Variants in KIAA1210 observed in about 807,000 individuals in gnomAD.
The protein encoded by KIAA1210 is KIAA1210, also known as acrosomal protein KIAA1210.
KIAA1210 carries 48 observed loss-of-function variants against 78.9 expected under a neutral mutation model. The ratio of observed to expected loss-of-function variants is 0.61; its 90% CI spans 0.48 to 0.77. KIAA1210 has a LOEUF of 0.77. KIAA1210 is among the 30% of genes least tolerant of loss of function. The pLI is 0.00. For missense variants in KIAA1210, 1,108 were observed against 1,100.0 expected, an observed-to-expected ratio of 1.01 and a Z score of -0.10; for synonymous variants, 406 against 404.5, an observed-to-expected ratio of 1.00 and a Z score of -0.04.
In KIAA1210 at chrX:119,078,644, T is replaced by C. The variant is rs896996364; in HGVS notation, c.*2685A>G. The C allele has an allele frequency of 8.8e-6, 1 of 113,283 alleles. No homozygotes were observed. The highest frequency in any genetic ancestry group is 1.9e-5 in the Non-Finnish European group (1 of 53,464). The allele number at this position is 113,283 out of a possible 1,213,427, so 9.3% of individuals were successfully genotyped here. ...GAGATGGACTACAGAATAGGCTTTA[T>C]TGAATTTATTTGCTTTGCATATATC... On this transcript the variant is annotated 3_prime_UTR_variant, in exon 12 of 12. Transcript: ENST00000691062.
rs1367909244 is a variant in KIAA1210 at position 119,086,603 on chromosome X, G to C, written c.4099C>G (p.Gln1367Glu). The change falls in exon 9 of 12, where the codon CAG (glutamine) becomes GAG (glutamate). Residue 1367 changes from glutamine to glutamate, a missense_variant. Gln to Glu is a conservative substitution (Grantham distance 29). Transcript: ENST00000691062. ...ATGCTTTCAGATTTGGGCCTGCTCT[G>C]TTGCTTATCTGCAACGTAAGATATT... is the stretch of plus-strand genomic sequence containing the variant. ...TKISYVADKQ[Q>E]SRPKSESMAK... The C allele has an allele frequency of 8.3e-7, 1 of 1,211,033 alleles. No individual in the cohort carries two copies. The highest frequency in any genetic ancestry group is 1.8e-5 in the South Asian group (1 of 56,837).
chrX:119,123,519 G>T (rs1335114027), intron 2 of KIAA1210, 63 bp downstream of exon 2: 1 of 826,684 alleles, frequency 1.2e-6, no homozygotes, highest in Admixed American at 2.6e-5. Context: ...TTTGTCCTAG[G>T]AGCTAAATAA....
In KIAA1210 at chrX:119,087,973, G is replaced by A. The variant is rs367729161; in HGVS notation, c.2729C>T (p.Ser910Phe). ...PVAPTPSKYT[S>F]PPWVTPKFEE... The stretch of plus-strand genomic sequence containing the variant: ...AAATTTAGGGGTCACCCATGGCGGG[G>A]AAGTGTATTTGGAAGGTGTTGGTGC... The change falls in exon 9 of 12, where the codon TCC becomes TTC. Residue 910 changes from serine (S) to phenylalanine (F), a missense_variant. Physicochemically the swap from Ser to Phe is radical, Grantham distance 155. Transcript: ENST00000691062. The A allele has an allele frequency of 2.5e-6, 3 of 1,208,798 alleles. No individual in the cohort carries two copies. In the African/African-American group the frequency reaches 5.3e-5, roughly 21 times the overall value.
intron 1 of KIAA1210, among the ~76,000 whole-genome samples, chrX:119,125,994 C>T (rs1308717180): frequency 9.6e-6 from 1 of 104,180 alleles, no homozygotes; most frequent in Non-Finnish European, 2.0e-5. Flanking sequence ...GAAAGGCAAG[C>T]AGAGACTTTG....
intron 2 of KIAA1210, among the ~76,000 whole-genome samples, chrX:119,121,752 AT>A (rs1178663110): frequency 9.1e-6 from 1 of 110,370 alleles, no homozygotes; most frequent in Non-Finnish European, 1.9e-5. Flanking sequence ...AAAGAAATTT[AT>A]TTTTTTAGTT....
Position 119,111,960 on chromosome X carries a change from A to G in KIAA1210, c.231-2758T>C, listed in dbSNP as rs146952307. On this transcript the variant is annotated intron_variant, in intron 3 of 11. Coordinates refer to ENST00000691062, the MANE Select transcript of KIAA1210 (RefSeq NM_001394962.1). ...GGCTCTGTGTCCCCACCCAAATTTCATGTCAAATTGTAATCCCCACATGTC... is the reference window on the plus strand; with the variant it reads ...GGCTCTGTGTCCCCACCCAAATTTCGTGTCAAATTGTAATCCCCACATGTC... Among the ~76,000 whole-genome samples, 343 of 111,447 alleles carry G rather than the reference A, an allele frequency of 3.1e-3. 4 individuals are homozygous for G. The highest frequency in any genetic ancestry group is 0.011 in the African/African-American group (326 of 30,638).
intron 6 of KIAA1210, among the ~76,000 whole-genome samples, chrX:119,099,247 A>G (rs901129144): frequency 8.9e-6 from 1 of 112,845 alleles, no homozygotes; most frequent in African/African-American, 3.2e-5. Context: ...TACTTTAGTG[A>G]AACTCATTCT....
At position 119,108,249 on chromosome X, in the gene KIAA1210, C is replaced by A. The variant is rs773219403; in HGVS notation, c.492+88G>T. On this transcript the variant is annotated intron_variant, in intron 5 of 11. Coordinates refer to ENST00000691062, the MANE Select transcript of KIAA1210 (RefSeq NM_001394962.1). The stretch of plus-strand genomic sequence containing the variant: ...TTAATCAACTAGCCCAGGGGTCACA[C>A]AGCCAGTAAGTAGCAGAGTAGGAAT... The A allele has an allele frequency of 3.9e-3, 3,713 of 940,043 alleles. 7 individuals carry two copies. The highest frequency in any genetic ancestry group is 4.9e-3 in the Non-Finnish European group (3,285 of 675,617). The allele number at this position is 940,043 out of a possible 1,213,427, so 77.5% of individuals were successfully genotyped here. A position where few individuals can be genotyped will look rare whatever the true frequency, so the allele number is the denominator to read the frequency against.
intron 2 of KIAA1210, among the ~76,000 whole-genome samples, chrX:119,140,265 A>T (rs1474475780): frequency 9.0e-6 from 1 of 111,223 alleles, no homozygotes; most frequent in African/African-American, 3.3e-5. Context: ...GTGGTGGCTC[A>T]CACCTGTAAT....
intron 2 of KIAA1210, among the ~76,000 whole-genome samples, chrX:119,117,993 C>A (rs933343109): frequency 9.0e-6 from 1 of 111,580 alleles, no homozygotes; most frequent in Non-Finnish European, 1.9e-5. Context: ...AGGGCTCGTG[C>A]TGCATTCTTC....
In KIAA1210 at chrX:119,089,141, G is replaced by A; in HGVS notation, c.1561C>T (p.Pro521Ser). The change falls in exon 9 of 12, where the codon CCT becomes TCT. Residue 521 changes from proline to serine, a missense_variant. By Grantham distance (74) the Pro-to-Ser change is moderately conservative. Around this residue, in one of 5 missense-constraint regions of KIAA1210, gnomAD observed 672 missense variants for 607.1 expected, o/e 1.11. Transcript: ENST00000691062. ...TGATCTTCTAACTGGATATGAGAAG[G>A]ATTCATAAACACCTGAGCCTCTGCT... ...VAAEAQVFMN[P>S]SHIQLEDQEA... 8.3e-6 allele frequency: 10 copies of A among 1,211,474 alleles called. No individual in the cohort carries two copies. The highest frequency in any genetic ancestry group is 1.1e-5 in the Non-Finnish European group (10 of 895,181).
In KIAA1210 at chrX:119,081,225, C is replaced by T; in HGVS notation, c.*104G>A. 1 of 655,365 alleles carries T rather than the reference C, an allele frequency of 1.5e-6. No homozygotes were observed. The highest frequency in any genetic ancestry group is 2.1e-6 in the Non-Finnish European group (1 of 470,090). The allele number at this position is 655,365 out of a possible 1,213,427, so 54.0% of individuals were successfully genotyped here. Reference sequence around the variant, plus strand: ...GAGCTTGCAGTGAGCGGAGATCGCGCCACTGCACTCCAATCTGGGTAACAG... The same window carrying T: ...GAGCTTGCAGTGAGCGGAGATCGCGTCACTGCACTCCAATCTGGGTAACAG... On this transcript the variant is annotated 3_prime_UTR_variant, in exon 12 of 12. Coordinates refer to ENST00000691062, the MANE Select transcript of KIAA1210 (RefSeq NM_001394962.1).
intron 2 of KIAA1210, among the ~76,000 whole-genome samples, chrX:119,142,041 G>A (rs1027513041): frequency 8.9e-6 from 1 of 112,171 alleles, no homozygotes; most frequent in Non-Finnish European, 1.9e-5. Context: ...AGGCTATGAC[G>A]CTGGACAAAT....
intron 1 of KIAA1210, among the ~76,000 whole-genome samples, chrX:119,124,612 G>A (rs969350299): frequency 1.8e-5 from 2 of 112,014 alleles, no homozygotes; most frequent in Non-Finnish European, 3.8e-5. Flanking sequence ...TTCAGGCCGG[G>A]TACAGTGGCT....
At chrX:119,135,596 C>T (rs1371514910) in intron 2 of KIAA1210, among the ~76,000 whole-genome samples, 1 of 111,647 alleles carries the variant, frequency 9.0e-6, no homozygotes, top group Admixed American at 9.5e-5. Context: ...AGAGCTCTGC[C>T]CCCAAATGCT....
chrX:119,136,149 A>G (rs191514472), intron 2 of KIAA1210, among the ~76,000 whole-genome samples: 22 of 112,135 alleles, frequency 2.0e-4, no homozygotes, highest in African/African-American at 7.1e-4. Context: ...TGATATAGAT[A>G]TCTCCTGCTC....
At chrX:119,110,768 A>G (rs1251486893) in intron 3 of KIAA1210, among the ~76,000 whole-genome samples, 4 of 112,012 alleles carry the variant, frequency 3.6e-5, no homozygotes, top group Admixed American at 9.5e-5. Flanking sequence ...TCTGAAAACT[A>G]TAAGACACTG....
intron 6 of KIAA1210, among the ~76,000 whole-genome samples, chrX:119,102,715 A>C (rs996388121): frequency 2.7e-5 from 3 of 111,785 alleles, no homozygotes; most frequent in African/African-American, 9.8e-5. Context: ...TTAACCCCCA[A>C]ATGTTAAATG....
intron 1 of KIAA1210, among the ~76,000 whole-genome samples, chrX:119,124,227 A>G (rs1255742970): frequency 1.8e-5 from 2 of 111,841 alleles, no homozygotes; most frequent in Non-Finnish European, 1.9e-5. Flanking sequence ...AGCTCAAGCA[A>G]TTCTCCTGCC....
Sources: allele counts gnomAD v4.1 joint callset (sites outside exome capture counted in the v4.1 genomes callset), GRCh38; gene constraint gnomAD v4.1.1; regional missense constraint gnomAD v4.1.1; transcripts MANE v1.5; gene names NCBI Gene and HGNC (gene_info 2026-07-23, HGNC 2026-07-21).